Variants in PHYKPL observed in about 807,000 individuals in gnomAD.
PHYKPL encodes 5-phosphonooxy-L-lysine phospho-lyase.
In PHYKPL, 42 loss-of-function variants were observed where a neutral mutation model predicts 51.3. The observed-to-expected ratio is 0.82, with a 90% CI of 0.64 to 1.06. PHYKPL has a LOEUF of 1.06. PHYKPL is among the 50% of genes least tolerant of loss of function. PHYKPL has a pLI of 0.00. For synonymous variants in PHYKPL, 264 were observed against 236.0 expected, an observed-to-expected ratio of 1.12 and a Z score of -1.09; for missense variants, 655 against 586.6, an observed-to-expected ratio of 1.12 and a Z score of -1.20.
chr5:178,220,720 GCAA>G (rs1760992970), intron 8 of PHYKPL, among the ~76,000 whole-genome samples: 1 of 51,644 alleles, frequency 1.9e-5, no homozygotes, highest in African/African-American at 1.3e-4. Flanking sequence ...GTTCATAATT[GCAA>G]AAAAAAAAAA....
chr5:178,209,994 A>G, intron 12 of PHYKPL: 2 of 1,213,192 alleles, frequency 1.6e-6, no homozygotes, highest in Non-Finnish European at 2.3e-6. Flanking sequence ...GGGCCCTTAT[A>G]CACCAGAACA....
At chr5:178,222,973 T>C (rs370380720) in intron 6 of PHYKPL, 39 bp from the exon 7 acceptor site, 8 of 1,605,708 alleles carry the variant, frequency 5.0e-6, no homozygotes, top group Non-Finnish European at 6.8e-6. Flanking sequence ...ACCATGGGGT[T>C]GTGCAGTGAC....
At chr5:178,231,621 T>C in intron 1 of PHYKPL, 98 bp from the exon 2 acceptor site, 1 of 1,590,122 alleles carries the variant, frequency 6.3e-7, no homozygotes, top group Non-Finnish European at 8.6e-7. Context: ...CAGTTTCTGG[T>C]GGCGGGGGGG....
At chr5:178,218,013 C>G (rs540379613) in intron 8 of PHYKPL, among the ~76,000 whole-genome samples, 1 of 147,888 alleles carries the variant, frequency 6.8e-6, no homozygotes, top group Non-Finnish European at 1.5e-5. Flanking sequence ...GTCAGGAGAT[C>G]GAGACCATCC....
At chr5:178,222,717 G>A in intron 7 of PHYKPL, 135 bp downstream of exon 7, 1 of 1,342,310 alleles carries the variant, frequency 7.4e-7, no homozygotes. Context: ...GCCTTCTCTG[G>A]GCCATTCTTT....
chr5:178,226,656 G>A (rs1420885282), intron 3 of PHYKPL: 1 of 152,128 alleles, frequency 6.6e-6, no homozygotes, highest in African/African-American at 2.4e-5. Flanking sequence ...GAAGCTTCAT[G>A]ACAGCAGCAT....
rs373692564 is a variant in PHYKPL at position 178,230,115 on chromosome 5, C to T, written c.179-16G>A. 79 of 1,612,682 alleles carry T rather than the reference C, an allele frequency of 4.9e-5. No individual in the cohort carries two copies. The highest frequency in any genetic ancestry group is 6.7e-5 in the Non-Finnish European group (79 of 1,179,606). On this transcript the variant is annotated splice_polypyrimidine_tract_variant and intron_variant, in intron 2 of 12. Coordinates refer to ENST00000308158, the MANE Select transcript of PHYKPL (RefSeq NM_153373.4). ...CAGTGCCCAACTGGAAGAGGGCCGC[C>T]TCCGTCACACGGCTGGCTCCACTCA... is the stretch of plus-strand genomic sequence containing the variant.
intron 8 of PHYKPL, chr5:178,215,691 C>G: frequency 2.1e-6 from 1 of 472,236 alleles, no homozygotes; most frequent in Non-Finnish European, 3.7e-6. Flanking sequence ...GATACAGAAT[C>G]AGAGGAGAGG....
chr5:178,229,350 C>T (rs62388740), intron 3 of PHYKPL, among the ~76,000 whole-genome samples: 11,797 of 152,166 alleles, frequency 0.078, 507 homozygotes, highest in South Asian at 0.12. Context: ...TCAGGTGATC[C>T]GCCCACCTCG....
downstream of PHYKPL, among the ~76,000 whole-genome samples, chr5:178,207,589 G>C (rs1291407603): frequency 6.6e-6 from 1 of 151,746 alleles, no homozygotes; most frequent in South Asian, 2.1e-4. Context: ...TAGAACTTCT[G>C]CAACTCACTG....
intron 8 of PHYKPL, among the ~76,000 whole-genome samples, chr5:178,218,216 C>CAAAAAAAAA (rs777929826): frequency 4.1e-4 from 24 of 58,062 alleles, no homozygotes; most frequent in East Asian, 1.7e-3. Flanking sequence ...AACTCCGTCT[C>CAAAAAAAAA]AAAAAAAAAA....
At chr5:178,225,215 T>C (rs1762049477) in intron 4 of PHYKPL, 140 bp downstream of exon 4, 1 of 952,818 alleles carries the variant, frequency 1.0e-6, no homozygotes, top group South Asian at 1.6e-5. Flanking sequence ...TCAGGCCTGG[T>C]CCTCTGCCTG....
At chr5:178,207,960 A>C (rs1457312878), downstream of PHYKPL, among the ~76,000 whole-genome samples, 1 of 152,058 alleles carries the variant, frequency 6.6e-6, no homozygotes, top group Non-Finnish European at 1.5e-5. Flanking sequence ...TACAGGCATG[A>C]ACTGCCTCAC....
rs112811507 is a variant in PHYKPL, at chr5:178,211,678, T to C, written c.*31+212A>G. The C allele has an allele frequency of 2.9e-3, 1,607 of 548,070 alleles. 26 individuals carry two copies. The highest frequency in any genetic ancestry group is 0.027 in the African/African-American group (1,431 of 52,804). The allele number at this position is 548,070 out of a possible 1,614,324, so 34.0% of individuals were successfully genotyped here. On this transcript the variant is annotated intron_variant, in intron 12 of 12. Coordinates refer to ENST00000308158, the MANE Select transcript of PHYKPL (RefSeq NM_153373.4). ...GGGGTTCCACGTGGATACAGCCCCATAGGTTTCAAGGGAGGATATAGCTGT... is the reference window on the plus strand; with the variant it reads ...GGGGTTCCACGTGGATACAGCCCCACAGGTTTCAAGGGAGGATATAGCTGT...
At chr5:178,207,269 A>C, downstream of PHYKPL, 1 of 1,609,974 alleles carries the variant, frequency 6.2e-7, no homozygotes, top group South Asian at 1.1e-5. Context: ...GCTGCTGGAG[A>C]GCTGGCCCTT....
intron 8 of PHYKPL, among the ~76,000 whole-genome samples, chr5:178,219,480 GTC>G (rs527338716): frequency 5.6e-4 from 84 of 149,652 alleles, no homozygotes; most frequent in African/African-American, 1.5e-3. Context: ...TTGAGATGGA[GTC>G]TCTGTCGCCC....
chr5:178,222,810 G>C, intron 7 of PHYKPL, 42 bp downstream of exon 7: 2 of 1,603,502 alleles, frequency 1.2e-6, no homozygotes, highest in Non-Finnish European at 1.7e-6. Flanking sequence ...AACCTCATTA[G>C]ACCCCTGCCC....
intron 8 of PHYKPL, among the ~76,000 whole-genome samples, chr5:178,218,065 A>C: frequency 8.8e-6 from 1 of 114,054 alleles, no homozygotes. Context: ...AAAAATACAA[A>C]AATTAGCCGG....
intron 3 of PHYKPL, chr5:178,228,655 G>C (rs1339607367): frequency 7.1e-6 from 5 of 701,080 alleles, no homozygotes; most frequent in Non-Finnish European, 7.8e-6. Context: ...TCTGTACTGT[G>C]TGAGTGGCCA....
Sources: allele counts gnomAD v4.1 joint callset (sites outside exome capture counted in the v4.1 genomes callset), GRCh38; gene constraint gnomAD v4.1.1; transcripts MANE v1.5; gene names NCBI Gene and HGNC (gene_info 2026-07-23, HGNC 2026-07-21).